The following CNTNAP5 variants were observed in gnomAD, a reference collection of about 807,000 sequenced individuals.
CNTNAP5 encodes contactin associated protein family member 5, also known as contactin-associated protein-like 5.
Under a neutral mutation model 150.2 loss-of-function variants are expected in CNTNAP5, and 72 were observed. The ratio of observed to expected loss-of-function variants is 0.48; its 90% CI spans 0.40 to 0.58. The LOEUF (loss-of-function observed/expected upper bound fraction) is 0.58, where lower values mean the gene tolerates loss of function less well. Ranked by LOEUF, CNTNAP5 falls within the 20% of genes least tolerant of loss-of-function variation. The pLI is 0.00. For synonymous variants in CNTNAP5, 672 were observed against 619.8 expected (o/e 1.08, Z -1.25); for missense variants, 1,636 against 1,626.2 (o/e 1.01, Z -0.10).
At chr2:124,288,454 C>T (rs1688208481) in intron 3 of CNTNAP5, among the ~76,000 whole-genome samples, 2 of 152,186 alleles carry the variant, frequency 1.3e-5, no homozygotes, top group South Asian at 2.1e-4. Context: ...AAGGCCTCCT[C>T]ACAAGGAGAT....
chr2:124,378,259 T>C (rs1471049487), intron 3 of CNTNAP5, among the ~76,000 whole-genome samples: 1 of 151,764 alleles, frequency 6.6e-6, no homozygotes, highest in Non-Finnish European at 1.5e-5. Context: ...CCGTATGTAA[T>C]TTACACAATT....
chr2:124,667,491 G>A (rs769223971), intron 13 of CNTNAP5, among the ~76,000 whole-genome samples: 32 of 152,232 alleles, frequency 2.1e-4, no homozygotes, highest in Admixed American at 1.1e-3. Flanking sequence ...GTCAAGGTAA[G>A]TATAATGCCT....
intron 14 of CNTNAP5, among the ~76,000 whole-genome samples, chr2:124,763,380 G>T (rs1680999292): frequency 6.6e-6 from 1 of 152,094 alleles, no homozygotes; most frequent in Non-Finnish European, 1.5e-5. Context: ...ACATTGAGCT[G>T]GTGGGCTGCT....
intron 17 of CNTNAP5, among the ~76,000 whole-genome samples, chr2:124,774,687 C>A (rs1049019182): frequency 6.6e-6 from 1 of 152,092 alleles, no homozygotes; most frequent in Non-Finnish European, 1.5e-5. Flanking sequence ...AAGTGTTTCA[C>A]AATTTTCATA....
At chr2:124,237,223 C>T (rs1234789971) in intron 2 of CNTNAP5, among the ~76,000 whole-genome samples, 2 of 152,200 alleles carry the variant, frequency 1.3e-5, no homozygotes, top group African/African-American at 4.8e-5. Context: ...TGGTCTTGGA[C>T]TAAATGTACT....
At chr2:124,895,956 T>C (rs1158312600) in intron 21 of CNTNAP5, among the ~76,000 whole-genome samples, 1 of 151,438 alleles carries the variant, frequency 6.6e-6, no homozygotes, top group East Asian at 1.9e-4. Flanking sequence ...AGTCGGTGCA[T>C]GGGCCATGCC....
intron 11 of CNTNAP5, among the ~76,000 whole-genome samples, chr2:124,592,987 T>A (rs1298297577): frequency 1.3e-5 from 2 of 151,822 alleles, no homozygotes; most frequent in Non-Finnish European, 2.9e-5. Flanking sequence ...AATTTATCTA[T>A]ATTTTTGTTC....
At chr2:124,536,369 A>C (rs1695231422) in intron 10 of CNTNAP5, among the ~76,000 whole-genome samples, 1 of 152,144 alleles carries the variant, frequency 6.6e-6, no homozygotes, top group Admixed American at 6.5e-5. Context: ...GTCACCTGGC[A>C]ACTTGTTAGA....
At chr2:124,175,893 A>G (rs774377287) in intron 1 of CNTNAP5, among the ~76,000 whole-genome samples, 3 of 152,228 alleles carry the variant, frequency 2.0e-5, no homozygotes, top group Non-Finnish European at 4.4e-5. Flanking sequence ...GAACAGTGCT[A>G]CAATGAATAT....
At chr2:124,215,653 GC>G (rs1401412669) in intron 1 of CNTNAP5, among the ~76,000 whole-genome samples, 1 of 141,342 alleles carries the variant, frequency 7.1e-6, no homozygotes, top group African/African-American at 2.6e-5. Context: ...TTTGACTTCT[GC>G]CCCCTGGGTG....
At chr2:124,199,420 T>TTTTTC (rs1194538504) in intron 1 of CNTNAP5, among the ~76,000 whole-genome samples, 2 of 146,334 alleles carry the variant, frequency 1.4e-5, no homozygotes, top group Non-Finnish European at 3.0e-5. Context: ...GTTCTTTTTT[T>TTTTTC]TTTTTTTTTT....
chr2:124,035,957 G>T (rs893603205), intron 1 of CNTNAP5, among the ~76,000 whole-genome samples: 5 of 116,208 alleles, frequency 4.3e-5, no homozygotes, highest in African/African-American at 1.7e-4. Flanking sequence ...TCGCTCTGTC[G>T]CCCAGGCCGG....
chr2:124,500,009 G>T (rs528905041), intron 7 of CNTNAP5, among the ~76,000 whole-genome samples: 1 of 151,952 alleles, frequency 6.6e-6, no homozygotes, highest in Admixed American at 6.6e-5. Flanking sequence ...CAGCCTGAAC[G>T]CTGGAGAAGA....
At chr2:124,403,196 A>G (rs1834442) in intron 3 of CNTNAP5, among the ~76,000 whole-genome samples, 114,443 of 152,126 alleles carry the variant, frequency 0.75, 44,281 homozygotes, top group East Asian at 0.9. Context: ...CCTTATATGT[A>G]GCTCGAGGTA....
intron 1 of CNTNAP5, among the ~76,000 whole-genome samples, chr2:124,193,346 T>C (rs1685503002): frequency 6.6e-6 from 1 of 152,248 alleles, no homozygotes; most frequent in Admixed American, 6.5e-5. Flanking sequence ...TTATTTATTA[T>C]GTCCACTGTT....
At chr2:124,672,665 G>A (rs1678848856) in intron 13 of CNTNAP5, among the ~76,000 whole-genome samples, 1 of 152,064 alleles carries the variant, frequency 6.6e-6, no homozygotes, top group Non-Finnish European at 1.5e-5. Flanking sequence ...ATTTAAAGGA[G>A]AAACTTGAAA....
chr2:124,332,516 T>C (rs1689374664), intron 3 of CNTNAP5, among the ~76,000 whole-genome samples: 1 of 151,430 alleles, frequency 6.6e-6, no homozygotes, highest in Non-Finnish European at 1.5e-5. Context: ...TTTGTCTTTT[T>C]ATAAACTTAA....
chr2:124,128,976 G>A (rs1683782510), intron 1 of CNTNAP5, among the ~76,000 whole-genome samples: 1 of 151,628 alleles, frequency 6.6e-6, no homozygotes, highest in South Asian at 2.1e-4. Context: ...CGAGTTGATG[G>A]GTACAGCACA....
chr2:124,701,921 AT>A (rs969627526), intron 13 of CNTNAP5, among the ~76,000 whole-genome samples: 1 of 151,456 alleles, frequency 6.6e-6, no homozygotes, highest in African/African-American at 2.4e-5. Flanking sequence ...TTTTTGTCTT[AT>A]TTTTTTCCCA....
Sources: allele counts gnomAD v4.1 joint callset (sites outside exome capture counted in the v4.1 genomes callset), GRCh38; gene constraint gnomAD v4.1.1; transcripts MANE v1.5; gene names NCBI Gene and HGNC (gene_info 2026-07-23, HGNC 2026-07-21).